WBP1: variants seen among roughly 807,000 people sequenced by gnomAD.
WBP1 encodes the protein WW domain-binding protein 1.
A neutral mutation model predicts 25.6 loss-of-function variants in WBP1; 18 were observed. That is an observed-to-expected ratio of 0.70 (90% CI 0.49 to 1.04). The LOEUF (loss-of-function observed/expected upper bound fraction) is 1.04. Ranked by LOEUF, WBP1 falls within the 50% of genes least tolerant of loss-of-function variation. The probability of loss-of-function intolerance (pLI) is 0.00; values close to 1 mark genes in which losing one functional copy is unlikely to be tolerated. For synonymous variants in WBP1, 122 were observed against 137.7 expected (o/e 0.89, Z 0.80); for missense variants, 330 against 352.9 (o/e 0.94, Z 0.52).
At chr2:74,458,751 G>T in intron 1 of WBP1, 80 bp downstream of exon 1, 2 of 1,524,366 alleles carry the variant, frequency 1.3e-6, no homozygotes, top group Non-Finnish European at 1.8e-6. Context: ...TTGGGGGTGG[G>T]GGAGGAACTC....
At chr2:74,459,610 C>A in intron 1 of WBP1, 33 bp from the exon 2 acceptor site, 1 of 1,602,958 alleles carries the variant, frequency 6.2e-7, no homozygotes, top group Admixed American at 1.7e-5. Context: ...GGGCTGGAAT[C>A]CCCCTTAGTT....
At chr2:74,459,212 T>C in intron 1 of WBP1, 1 of 1,410,418 alleles carries the variant, frequency 7.1e-7, no homozygotes, top group Non-Finnish European at 9.4e-7. Flanking sequence ...CGCAGGATAA[T>C]GAAAGCAACT....
chr2:74,460,047 T>A lies in WBP1; in HGVS notation c.347T>A (p.Leu116His). 6.2e-7 allele frequency: 1 copy of A among 1,612,014 alleles called. No homozygotes were observed. The highest frequency in any genetic ancestry group is 8.5e-7 in the Non-Finnish European group (1 of 1,178,246). ...GPFPTGSLLD[L>H]RFLSTFKPPA... ...TTCCCTACCGGTTCACTGCTTGACCTTCGTGAGTGACTTGATGCCCTGGGT... is the reference window on the plus strand; with the variant it reads ...TTCCCTACCGGTTCACTGCTTGACCATCGTGAGTGACTTGATGCCCTGGGT... The change falls in exon 3 of 4, where the codon CTT becomes CAT. Residue 116 changes from leucine to histidine, a missense_variant and splice_region_variant. Transcript: ENST00000233615.
rs1029711793 is a variant in WBP1 at position 74,458,471 on chromosome 2, C to T, written c.-132C>T. 3.8e-5 allele frequency: 56 copies of T among 1,457,266 alleles called. 1 individual carries two copies. Among genetic ancestry groups the T allele is most frequent in the Middle Eastern group, 2.5e-4 (1 of 3,970 alleles). 90.3% of individuals were successfully genotyped at this position (1,457,266 alleles called of 1,614,324 possible). A position where few individuals can be genotyped will look rare whatever the true frequency, so the allele number is the denominator to read the frequency against. Reference sequence around the variant, plus strand: ...TGGAGTTCTGCCCGGATGGAAGCTCCGGCCGCGGAGTGATGGTGGCCTCAG... The same window carrying T: ...TGGAGTTCTGCCCGGATGGAAGCTCTGGCCGCGGAGTGATGGTGGCCTCAG... On this transcript the variant is annotated 5_prime_UTR_variant, in exon 1 of 4. Transcript: ENST00000233615.
At position 74,459,717 on chromosome 2, in the gene WBP1, C is replaced by G; in HGVS notation, c.144C>G (p.Gly48=). 6.2e-7 allele frequency: 1 copy of G among 1,614,192 alleles called. No individual in the cohort carries two copies. The highest frequency in any genetic ancestry group is 1.1e-5 in the South Asian group (1 of 91,092). ...CESGHCCGET[G]CCTYYYELWW... is the part of the protein sequence containing the mutation. ...GTGGTCACTGCTGCGGGGAGACTGG[C>G]TGCTGCACCTACTACTATGAGCTCT... Residue 48 remains glycine, a synonymous_variant, in exon 2 of 4, where the codon GGC becomes GGG. Transcript: ENST00000233615.
chr2:74,460,878 A>C lies in WBP1; in HGVS notation c.*197A>C. ...CTTTGATCTCATTAAAGAGATGTGA[A>C]CCAGCTACTTGTGGATTTGGGTGGA... On this transcript the variant is annotated 3_prime_UTR_variant, in exon 4 of 4. Transcript: ENST00000233615. 6.4e-6 allele frequency: 4 copies of C among 622,054 alleles called. No homozygotes were observed. Among genetic ancestry groups the C allele is most frequent in the South Asian group, 2.1e-5 (1 of 47,752 alleles). The allele number at this position is 622,054 out of a possible 1,614,324, so 38.5% of individuals were successfully genotyped here.
In WBP1 at chr2:74,460,287, C is replaced by T. The variant is rs142859048; in HGVS notation, c.416C>T (p.Pro139Leu). ...DVVHRPGTPPPPYTVAPGRPL... is the reference protein window; with the variant it reads ...DVVHRPGTPPLPYTVAPGRPL... ...GTTCACCGCCCAGGCACACCACCCC[C>T]CCCTTATACTGTGGCCCCAGGCCGC... Residue 139 changes from proline to leucine, a missense_variant, in exon 4 of 4, where the codon CCC becomes CTC. Transcript: ENST00000233615. 1.7e-5 allele frequency: 27 copies of T among 1,614,008 alleles called. No homozygotes were observed. The highest frequency in any genetic ancestry group is 1.7e-5 in the Admixed American group (1 of 60,008).
Position 74,458,666 on chromosome 2 carries a change from C to A in WBP1, c.64C>A (p.Gln22Lys). ...CTGGGGGGCACTTCGGGCGCCGCAACAGCAGGTATCCCAATAGCTCCAAAA... is the reference window on the plus strand; with the variant it reads ...CTGGGGGGCACTTCGGGCGCCGCAAAAGCAGGTATCCCAATAGCTCCAAAA... ...EAWGALRAPQ[Q>K]QLRELCPGVN... Residue 22 changes from glutamine to lysine, a missense_variant, in exon 1 of 4, where the codon CAG becomes AAG. By Grantham distance (53) the Gln-to-Lys change is moderately conservative. Transcript: ENST00000233615. 1 of 1,573,334 alleles carries A rather than the reference C, an allele frequency of 6.4e-7. No homozygotes were observed.
intron 1 of WBP1, chr2:74,459,343 T>TGGGGGG: frequency 1.8e-6 from 1 of 554,014 alleles, no homozygotes; most frequent in East Asian, 3.4e-5. Flanking sequence ...GGTAGGGGGG[T>TGGGGGG]TGGGGAGAGT....
Position 74,459,863 on chromosome 2 carries a change from C to T in WBP1, c.173-10C>T. The T allele has an allele frequency of 1.2e-6, 2 of 1,613,130 alleles. No homozygotes were observed. The highest frequency in any genetic ancestry group is 1.7e-6 in the Non-Finnish European group (2 of 1,179,228). On this transcript the variant is annotated splice_polypyrimidine_tract_variant and intron_variant, in intron 2 of 3. Transcript: ENST00000233615. Reference sequence around the variant, plus strand: ...AGATGCCTGAGTTGCTCCCTCCTTGCCTCTTGCAGGGTTCTGGCTGCTCTG... The same window carrying T: ...AGATGCCTGAGTTGCTCCCTCCTTGTCTCTTGCAGGGTTCTGGCTGCTCTG...
chr2:74,458,468 C>T lies in WBP1; in HGVS notation c.-135C>T. On this transcript the variant is annotated 5_prime_UTR_variant, in exon 1 of 4. Coordinates refer to ENST00000233615, the MANE Select transcript of WBP1 (RefSeq NM_012477.4). ...TGGTGGAGTTCTGCCCGGATGGAAG[C>T]TCCGGCCGCGGAGTGATGGTGGCCT... 5 of 1,456,916 alleles carry T rather than the reference C, an allele frequency of 3.4e-6. No individual in the cohort carries two copies. The South Asian group carries it at 7.1e-5, about 21-fold the overall frequency. 90.2% of individuals were successfully genotyped at this position (1,456,916 alleles called of 1,614,324 possible).
rs761750781 is a variant in WBP1 at position 74,460,282 on chromosome 2, AC to A, written c.419del (p.Pro140LeufsTer10). ...EDVVHRPGTP[P>X]PPYTVAPGRP... ...ATGTGGTTCACCGCCCAGGCACACCACCCCCCCCTTATACTGTGGCCCCAGG... is the reference window on the plus strand; with the variant it reads ...ATGTGGTTCACCGCCCAGGCACACCACCCCCCCTTATACTGTGGCCCCAGG... On this transcript the variant is annotated frameshift_variant, in exon 4 of 4. Transcript: ENST00000233615. LOFTEE classifies it high-confidence loss of function. The A allele has an allele frequency of 1.0e-4, 166 of 1,605,582 alleles. No individual in the cohort carries two copies. The highest frequency in any genetic ancestry group is 1.3e-4 in the Non-Finnish European group (151 of 1,176,526).
Position 74,458,468 on chromosome 2 carries a change from C to G in WBP1, c.-135C>G. The stretch of plus-strand genomic sequence containing the variant: ...TGGTGGAGTTCTGCCCGGATGGAAG[C>G]TCCGGCCGCGGAGTGATGGTGGCCT... On this transcript the variant is annotated 5_prime_UTR_variant, in exon 1 of 4. Transcript: ENST00000233615. 1 of 1,456,916 alleles carries G rather than the reference C, an allele frequency of 6.9e-7. No individual in the cohort carries two copies. The highest frequency in any genetic ancestry group is 2.5e-5 in the East Asian group (1 of 39,990). The allele number at this position is 1,456,916 out of a possible 1,614,324, so 90.2% of individuals were successfully genotyped here.
At chr2:74,459,002 G>A (rs1005349510) in intron 1 of WBP1, 12 of 1,550,556 alleles carry the variant, frequency 7.7e-6, no homozygotes, top group Non-Finnish European at 8.7e-6. Context: ...AACAGAGTCC[G>A]GCAGCGTCTT....
rs1318879616 is a variant in WBP1, at chr2:74,460,531, T to G, written c.660T>G (p.Pro220=). 3 of 1,613,556 alleles carry G rather than the reference T, an allele frequency of 1.9e-6. No individual in the cohort carries two copies. Among genetic ancestry groups the G allele is most frequent in the African/African-American group, 1.3e-5 (1 of 74,906 alleles). The change falls in exon 4 of 4, where the codon CCT becomes CCG. Residue 220 remains proline (P), a synonymous_variant. Transcript: ENST00000233615. ...GDSGIELCPC[P]ASGEGEPVKE... ...CCGGTATTGAGCTCTGCCCTTGTCC[T>G]GCCTCCGGTGAGGGTGAGCCAGTCA...
chr2:74,460,804 G>T lies in WBP1; in HGVS notation c.*123G>T, dbSNP rs1671880890. The T allele has an allele frequency of 1.8e-5, 16 of 866,974 alleles. No homozygotes were observed. In the South Asian group the frequency reaches 2.3e-4, roughly 13 times the overall value. 53.7% of individuals were successfully genotyped at this position (866,974 alleles called of 1,614,324 possible). A position where few individuals can be genotyped will look rare whatever the true frequency, so the allele number is the denominator to read the frequency against. On this transcript the variant is annotated 3_prime_UTR_variant, in exon 4 of 4. Coordinates refer to ENST00000233615, the MANE Select transcript of WBP1 (RefSeq NM_012477.4). The stretch of plus-strand genomic sequence containing the variant: ...TGCCTGAAAGGGCTGGAGAGGGGCA[G>T]TATTGGGGGACTGTGCTAGCTTTAC...
Position 74,459,625 on chromosome 2 carries a change from G to A in WBP1, c.70-18G>A. On this transcript the variant is annotated intron_variant, in intron 1 of 3. Coordinates refer to ENST00000233615, the MANE Select transcript of WBP1 (RefSeq NM_012477.4). ...GGGCTGGAATCCCCCTTAGTTCTAA[G>A]TGCCTCCTTGCCCGCAGCTTCGAGA... The A allele has an allele frequency of 6.2e-7, 1 of 1,613,152 alleles. No homozygotes were observed. The highest frequency in any genetic ancestry group is 2.2e-5 in the East Asian group (1 of 44,876).
rs142479607 is a variant in WBP1, at chr2:74,458,662, G to T, written c.60G>T (p.Pro20=). The part of the protein sequence containing the change: ...SEEAWGALRA[P]QQQLRELCPG... ...AGGCCTGGGGGGCACTTCGGGCGCC[G>T]CAACAGCAGGTATCCCAATAGCTCC... The change falls in exon 1 of 4, where the codon CCG becomes CCT. Residue 20 remains proline, a synonymous_variant. Transcript: ENST00000233615. The T allele has an allele frequency of 1.1e-5, 18 of 1,572,332 alleles. No individual in the cohort carries two copies. The East Asian group carries it at 3.7e-4, about 32-fold the overall frequency.
At chr2:74,460,181 GGTT>G in intron 3 of WBP1, 37 bp from the exon 4 acceptor site, 2 of 1,585,476 alleles carry the variant, frequency 1.3e-6, no homozygotes, top group Non-Finnish European at 1.7e-6. Context: ...CCCTATACCT[GGTT>G]GTCTTCAACC....
Sources: allele counts gnomAD v4.1 joint callset, GRCh38; gene constraint gnomAD v4.1.1; transcripts MANE v1.5; gene names NCBI Gene and HGNC (gene_info 2026-07-23, HGNC 2026-07-21).